The following ITPR1 variants were observed in gnomAD, a reference collection of about 807,000 sequenced individuals.
The protein encoded by ITPR1 is inositol 1,4,5-trisphosphate-gated calcium channel ITPR1.
ITPR1 carries 96 observed loss-of-function variants against 318.4 expected under a neutral mutation model. The ratio of observed to expected loss-of-function variants is 0.30; its 90% CI spans 0.26 to 0.36. The LOEUF (loss-of-function observed/expected upper bound fraction) is 0.36. Among genes scored for constraint, ITPR1 ranks in the 10% least tolerant of loss-of-function variants. The probability of loss-of-function intolerance (pLI) is 1.00; values close to 1 mark genes in which losing one functional copy is unlikely to be tolerated. For missense variants in ITPR1, 2,440 were observed against 3,460.2 expected (o/e 0.71, Z 7.40); for synonymous variants, 1,312 against 1,289.9 (o/e 1.02, Z -0.37).
chr3:4,557,081 A>C (rs530714871), intron 4 of ITPR1, among the ~76,000 whole-genome samples: 7 of 152,176 alleles, frequency 4.6e-5, no homozygotes, highest in Non-Finnish European at 7.3e-5. Context: ...ACTTGAGCCC[A>C]GAATCTCAAC....
intron 18 of ITPR1, among the ~76,000 whole-genome samples, chr3:4,668,579 T>G (rs2094002800): frequency 6.6e-6 from 1 of 152,158 alleles, no homozygotes; most frequent in African/African-American, 2.4e-5. Flanking sequence ...GCAATTGTTC[T>G]GCCTCAGGCT....
At chr3:4,593,147 G>A (rs768315538) in intron 4 of ITPR1, among the ~76,000 whole-genome samples, 2 of 152,186 alleles carry the variant, frequency 1.3e-5, no homozygotes, top group Non-Finnish European at 2.9e-5. Context: ...AACACGATGC[G>A]GTGTGGGGTT....
intron 32 of ITPR1, 39 bp from the exon 33 acceptor site, chr3:4,693,451 G>T (rs773456560): frequency 8.1e-6 from 13 of 1,597,074 alleles, no homozygotes; most frequent in Non-Finnish European, 1.1e-5. Context: ...CCCCACCCCT[G>T]CAAGCTTGTA....
At chr3:4,839,257 G>A (rs551015020) in intron 61 of ITPR1, among the ~76,000 whole-genome samples, 1 of 152,078 alleles carries the variant, frequency 6.6e-6, no homozygotes, top group Admixed American at 6.5e-5. Flanking sequence ...AACCCAGGAG[G>A]CGGAGGTTGT....
chr3:4,604,428 G>T (rs1386621033), intron 4 of ITPR1, among the ~76,000 whole-genome samples: 1 of 152,128 alleles, frequency 6.6e-6, no homozygotes, highest in Non-Finnish European at 1.5e-5. Context: ...GGTGTTAGCT[G>T]AAAAAGTTAC....
intron 60 of ITPR1, chr3:4,830,912 G>A (rs771733412): frequency 6.4e-5 from 29 of 456,000 alleles, no homozygotes; most frequent in Non-Finnish European, 1.3e-4. Context: ...CCACAAAAAT[G>A]TTCCATCGTT....
chr3:4,530,362 A>T (rs1259946013), intron 4 of ITPR1, among the ~76,000 whole-genome samples: 1 of 152,106 alleles, frequency 6.6e-6, no homozygotes, highest in Non-Finnish European at 1.5e-5. Flanking sequence ...TATGATTTTG[A>T]CTGCTCCCAG....
chr3:4,747,483 G>A (rs1575107736), intron 44 of ITPR1, among the ~76,000 whole-genome samples: 1 of 152,216 alleles, frequency 6.6e-6, no homozygotes, highest in Non-Finnish European at 1.5e-5. Flanking sequence ...GCGTCTGTTT[G>A]CCAGGCAGAT....
chr3:4,633,858 G>A (rs1430949258), intron 5 of ITPR1, among the ~76,000 whole-genome samples: 1 of 152,206 alleles, frequency 6.6e-6, no homozygotes, highest in Non-Finnish European at 1.5e-5. Context: ...GGTCCTTATT[G>A]TCTGGGTACT....
chr3:4,569,279 A>T lies in ITPR1; in HGVS notation c.163+48185A>T, dbSNP rs114543331. 7.9e-3 allele frequency among the ~76,000 whole-genome samples: 1,200 copies of T among 152,364 alleles called. 15 individuals are homozygous for T. The highest frequency in any genetic ancestry group is 0.027 in the African/African-American group (1,129 of 41,586). On this transcript the variant is annotated intron_variant, in intron 4 of 61. Coordinates refer to ENST00000649015, the MANE Select transcript of ITPR1 (RefSeq NM_001378452.1). ...TTTAAAGAAAGTTAATTTTGGTGACAGTGTGGAAGATGTGTTTCCTTATAT... is the reference window on the plus strand; with the variant it reads ...TTTAAAGAAAGTTAATTTTGGTGACTGTGTGGAAGATGTGTTTCCTTATAT...
chr3:4,784,876 G>A (rs927514455), intron 51 of ITPR1, among the ~76,000 whole-genome samples: 14 of 151,996 alleles, frequency 9.2e-5, no homozygotes, highest in African/African-American at 2.9e-4. Context: ...CAGCCAGGGC[G>A]ACAGAGCAAG....
At chr3:4,724,110 A>C (rs1381876821) in intron 40 of ITPR1, among the ~76,000 whole-genome samples, 1 of 151,704 alleles carries the variant, frequency 6.6e-6, no homozygotes, top group Non-Finnish European at 1.5e-5. Context: ...GTCCCTCCCC[A>C]CCCCGAGCAG....
At chr3:4,539,719 T>C (rs2084238445) in intron 4 of ITPR1, among the ~76,000 whole-genome samples, 1 of 152,068 alleles carries the variant, frequency 6.6e-6, no homozygotes, top group African/African-American at 2.4e-5. Context: ...TAATGAGTTA[T>C]CATGGAAAGA....
Position 4,813,094 on chromosome 3 carries a change from C to G in ITPR1, c.7469-48C>G, listed in dbSNP as rs534332813. The G allele has an allele frequency of 5.5e-5, 77 of 1,396,536 alleles. No individual in the cohort carries two copies. The East Asian group carries it at 9.8e-4, about 18-fold the overall frequency. 86.5% of individuals were successfully genotyped at this position (1,396,536 alleles called of 1,614,324 possible). A position where few individuals can be genotyped will look rare whatever the true frequency, so the allele number is the denominator to read the frequency against. The stretch of plus-strand genomic sequence containing the variant: ...GAATTGGGGACTTCAAACATTTTAA[C>G]CATATGCTGCCAGATTGTTCATCAT... On this transcript the variant is annotated intron_variant, in intron 56 of 61. Transcript: ENST00000649015.
rs560952772 is a variant in ITPR1 at position 4,611,710 on chromosome 3, C to A, written c.164-16053C>A. 9.9e-5 allele frequency among the ~76,000 whole-genome samples: 15 copies of A among 152,190 alleles called. No homozygotes were observed. In the East Asian group the frequency reaches 2.7e-3, roughly 27 times the overall value. On this transcript the variant is annotated intron_variant, in intron 4 of 61. Transcript: ENST00000649015. ...GCAGTGAGCTGAGATCATGCCACTG[C>A]ACTCCAGCTTGGGTGCCAGCGAGAC...
chr3:4,792,229 C>G (rs958518882), intron 52 of ITPR1, among the ~76,000 whole-genome samples: 2 of 152,212 alleles, frequency 1.3e-5, no homozygotes, highest in Non-Finnish European at 2.9e-5. Context: ...CTCCCCACCT[C>G]ACATCCTTAA....
intron 4 of ITPR1, among the ~76,000 whole-genome samples, chr3:4,536,007 A>G (rs2083838669): frequency 6.6e-6 from 1 of 152,210 alleles, no homozygotes; most frequent in Admixed American, 6.5e-5. Context: ...AATGTCATCA[A>G]TATTGTGTGA....
chr3:4,781,299 T>A (rs1305144934), intron 49 of ITPR1, among the ~76,000 whole-genome samples: 1 of 152,218 alleles, frequency 6.6e-6, no homozygotes, highest in Non-Finnish European at 1.5e-5. Context: ...CAAAGAAGAT[T>A]ATAATTTTTA....
chr3:4,650,605 TA>T (rs2093571585), intron 10 of ITPR1, among the ~76,000 whole-genome samples: 6 of 133,314 alleles, frequency 4.5e-5, no homozygotes, highest in East Asian at 2.3e-4. Flanking sequence ...TGATATGCCT[TA>T]GTGTGTGTGT....
Sources: gnomAD v4.1 joint callset for allele counts (sites outside exome capture counted in the v4.1 genomes callset) on GRCh38, gnomAD v4.1.1 for gene constraint, MANE v1.5 for transcripts, NCBI Gene and HGNC (gene_info 2026-07-23, HGNC 2026-07-21) for gene names.